Variants in MAMSTR observed in about 807,000 individuals in gnomAD.
The protein encoded by MAMSTR is MEF2-activating motif and SAP domain-containing transcriptional regulator.
A neutral mutation model predicts 42.7 loss-of-function variants in MAMSTR; 41 were observed. The ratio of observed to expected loss-of-function variants is 0.96; its 90% confidence interval spans 0.75 to 1.25. MAMSTR has a LOEUF of 1.25. Among genes scored for constraint, MAMSTR ranks in the 50% most tolerant of loss-of-function variants. MAMSTR has a pLI of 0.00. For synonymous variants in MAMSTR, 265 were observed against 244.1 expected (o/e 1.09, Z -0.80); for missense variants, 567 against 557.6 (o/e 1.02, Z -0.17).
At chr19:48,708,110 T>C (rs1375933544), downstream of MAMSTR, among the ~76,000 whole-genome samples, 1 of 151,720 alleles carries the variant, frequency 6.6e-6, no homozygotes, top group African/African-American at 2.4e-5. Flanking sequence ...GGCGCATGCC[T>C]GTAATCCCAG....
At chr19:48,707,811 AGAAAGAAAGAAAGACAAAGAAAGAAAG>A (rs1442165436), downstream of MAMSTR, among the ~76,000 whole-genome samples, 40 of 85,776 alleles carry the variant, frequency 4.7e-4, no homozygotes, top group African/African-American at 1.7e-3. Context: ...AAGGAAGGAA[AGAAAGAAAGAAAGACAAAGAAAGAAAG>A]GAAAGAAAGA....
chr19:48,714,455 G>A lies in MAMSTR; in HGVS notation c.634C>T (p.Pro212Ser). The change falls in exon 7 of 10, where the codon CCG (proline) becomes TCG (serine). Residue 212 changes from proline (P) to serine (S), a missense_variant. Pro to Ser is a moderately conservative substitution (Grantham distance 74). Transcript: ENST00000318083. Reference protein sequence around the residue: ...MRGGAPPRERPKPRREDSPAG... With the variant: ...MRGGAPPRERSKPRREDSPAG... ...GGACTGTCCTCGCGCCGCGGCTTCG[G>A]CCGCTCGCGGGGCGGCGCGCCGCCG... 3 of 1,358,976 alleles carry A rather than the reference G, an allele frequency of 2.2e-6. No homozygotes were observed. The highest frequency in any genetic ancestry group is 2.8e-6 in the Non-Finnish European group (3 of 1,066,886). The allele number at this position is 1,358,976 out of a possible 1,614,324, so 84.2% of individuals were successfully genotyped here.
chr19:48,710,596 AT>A (rs35728097), downstream of MAMSTR, among the ~76,000 whole-genome samples: 46,956 of 115,110 alleles, frequency 0.41, 8,820 homozygotes, highest in East Asian at 0.79. Context: ...CCTGAAACCT[AT>A]TTTTTTTTTT....
intron 3 of MAMSTR, 79 bp downstream of exon 3, chr19:48,716,626 T>C: frequency 3.9e-6 from 5 of 1,290,106 alleles, no homozygotes; most frequent in Non-Finnish European, 4.0e-6. Context: ...CAATGAGGGG[T>C]ATCTGGCAGC....
At chr19:48,709,065 G>A (rs140554476), downstream of MAMSTR, among the ~76,000 whole-genome samples, 280 of 152,208 alleles carry the variant, frequency 1.8e-3, no homozygotes, top group African/African-American at 6.0e-3. Context: ...TGAGGTGGGA[G>A]GAGCACTTGG....
rs763375368 is a variant in MAMSTR, at chr19:48,714,438, C to T, written c.651G>A (p.Glu217=). The change falls in exon 7 of 10, where the codon GAG becomes GAA. Residue 217 remains glutamate (E), a synonymous_variant. Coordinates refer to ENST00000318083, the MANE Select transcript of MAMSTR (RefSeq NM_001130915.2). Reference sequence around the variant, plus strand: ...GCCAGGGAGCACCCGCGGGACTGTCCTCGCGCCGCGGCTTCGGCCGCTCGC... The same window carrying T: ...GCCAGGGAGCACCCGCGGGACTGTCTTCGCGCCGCGGCTTCGGCCGCTCGC... The part of the protein sequence containing the change: ...PPRERPKPRR[E]DSPAGAPWPR... The T allele has an allele frequency of 7.3e-6, 10 of 1,369,078 alleles. No homozygotes were observed. The highest frequency in any genetic ancestry group is 1.5e-5 in the African/African-American group (1 of 65,588). The allele number at this position is 1,369,078 out of a possible 1,614,324, so 84.8% of individuals were successfully genotyped here.
At position 48,715,197 on chromosome 19, in the gene MAMSTR, T is replaced by C; in HGVS notation, c.425+65A>G. The C allele has an allele frequency of 4.2e-6, 6 of 1,426,004 alleles. 1 individual carries two copies. The South Asian group carries it at 5.0e-5, about 12-fold the overall frequency. 88.3% of individuals were successfully genotyped at this position (1,426,004 alleles called of 1,614,324 possible). A position where few individuals can be genotyped will look rare whatever the true frequency, so the allele number is the denominator to read the frequency against. ...AATCCCCTAATCTTGGACTCGAGGTTTGAGGGAGGAGGATGCTGGGACCTG... is the reference window on the plus strand; with the variant it reads ...AATCCCCTAATCTTGGACTCGAGGTCTGAGGGAGGAGGATGCTGGGACCTG... On this transcript the variant is annotated intron_variant, in intron 5 of 9. Coordinates refer to ENST00000318083, the MANE Select transcript of MAMSTR (RefSeq NM_001130915.2).
At chr19:48,712,616 G>A (rs1171149992), downstream of MAMSTR, 1 of 151,364 alleles carries the variant, frequency 6.6e-6, no homozygotes, top group Non-Finnish European at 1.5e-5. Context: ...GTGTTTGGTA[G>A]AGACAGGGTT....
Position 48,713,957 on chromosome 19 carries a change from G to A in MAMSTR, c.812C>T (p.Ala271Val). 23 of 1,613,490 alleles carry A rather than the reference G, an allele frequency of 1.4e-5. No homozygotes were observed. Among genetic ancestry groups the A allele is most frequent in the Non-Finnish European group, 1.9e-5 (22 of 1,179,758 alleles). ...GTAPAPTPTP[A>V]PAAAPALTPS... The stretch of plus-strand genomic sequence containing the variant: ...GGTCAGGGCTGGAGCTGCAGCAGGA[G>A]CCGGAGTGGGAGTTGGAGCCGGAGC... The change falls in exon 8 of 10, where the codon GCT becomes GTT. Residue 271 changes from alanine to valine, a missense_variant. Ala to Val is a moderately conservative substitution (Grantham distance 64). Coordinates refer to ENST00000318083, the MANE Select transcript of MAMSTR (RefSeq NM_001130915.2).
rs1189146288 is a variant in MAMSTR, at chr19:48,713,615, C to T, written c.965-65G>A. On this transcript the variant is annotated intron_variant, in intron 9 of 9. Coordinates refer to ENST00000318083, the MANE Select transcript of MAMSTR (RefSeq NM_001130915.2). Reference sequence around the variant, plus strand: ...GGGTCCGGGCGCCAGCCCCCCATACCCCATTTCCAGGATCCAGCTCCCCAG... The same window carrying T: ...GGGTCCGGGCGCCAGCCCCCCATACTCCATTTCCAGGATCCAGCTCCCCAG... 3.1e-6 allele frequency: 5 copies of T among 1,601,164 alleles called. No homozygotes were observed. In the African/African-American group the frequency reaches 5.4e-5, roughly 17 times the overall value.
chr19:48,713,487 T>C lies in MAMSTR; in HGVS notation c.1028A>G (p.Asp343Gly). 1 of 1,610,070 alleles carries C rather than the reference T, an allele frequency of 6.2e-7. No homozygotes were observed. Among genetic ancestry groups the C allele is most frequent in the South Asian group, 1.1e-5 (1 of 90,844 alleles). ...GAAAACAGATGAGAGGCCTTCAGAG[T>C]CCGGGGAGGGGGACAGCACGTCGAA... ...GSFDVLSPSP[D>G]SEGLSSVFSS... Residue 343 changes from aspartate to glycine, a missense_variant, in exon 10 of 10, where the codon GAC becomes GGC. Asp to Gly is a moderately conservative substitution (Grantham distance 94, BLOSUM62 -1). Transcript: ENST00000318083.
chr19:48,714,588 G>T, intron 6 of MAMSTR, 28 bp from the exon 7 acceptor site: 1 of 1,461,082 alleles, frequency 6.8e-7, no homozygotes, highest in Non-Finnish European at 9.0e-7. Context: ...GTGGGAAGAG[G>T]CAGTGCTGGG....
chr19:48,711,559 GTTGT>G (rs57913334), downstream of MAMSTR, among the ~76,000 whole-genome samples: 315 of 150,430 alleles, frequency 2.1e-3, 5 homozygotes, highest in Admixed American at 6.2e-3. Flanking sequence ...GTGGGTTTTT[GTTGT>G]TTGTTTGTTT....
chr19:48,707,891 A>AAAG (rs2032675424), downstream of MAMSTR, among the ~76,000 whole-genome samples: 1 of 99,336 alleles, frequency 1.0e-5, no homozygotes, highest in Admixed American at 9.9e-5. Flanking sequence ...AAGAAAGAAA[A>AAAG]GAAAGAAAGA....
chr19:48,708,152 T>G (rs2032680338), downstream of MAMSTR, among the ~76,000 whole-genome samples: 1 of 149,744 alleles, frequency 6.7e-6, no homozygotes, highest in Non-Finnish European at 1.5e-5. Flanking sequence ...GAGAATCGCT[T>G]GAACCCAGGA....
At chr19:48,715,864 G>T (rs2032999556) in intron 3 of MAMSTR, 97 bp from the exon 4 acceptor site, 6 of 1,479,928 alleles carry the variant, frequency 4.1e-6, no homozygotes, top group Non-Finnish European at 5.3e-6. Context: ...GGGTGCCGGA[G>T]GGCAGGCCAG....
rs764073294 is a variant in MAMSTR, at chr19:48,713,556, G to A, written c.965-6C>T. 3.7e-6 allele frequency: 6 copies of A among 1,609,002 alleles called. No individual in the cohort carries two copies. The South Asian group carries it at 5.5e-5, about 15-fold the overall frequency. On this transcript the variant is annotated splice_polypyrimidine_tract_variant and splice_region_variant and intron_variant, in intron 9 of 9. Transcript: ENST00000318083. Reference sequence around the variant, plus strand: ...GGGAATAGGGGGCAGGGGGTCTGCGGGATAAAGAATGGTACATGAGCTTGG... The same window carrying A: ...GGGAATAGGGGGCAGGGGGTCTGCGAGATAAAGAATGGTACATGAGCTTGG...
downstream of MAMSTR, among the ~76,000 whole-genome samples, chr19:48,707,826 C>G (rs1235296825): frequency 2.4e-4 from 9 of 37,160 alleles, no homozygotes; most frequent in South Asian, 3.8e-3. Flanking sequence ...GAAAGAAAGA[C>G]AAAGAAAGAA....
chr19:48,709,464 T>C (rs1296052295), downstream of MAMSTR, among the ~76,000 whole-genome samples: 1 of 152,216 alleles, frequency 6.6e-6, no homozygotes, highest in African/African-American at 2.4e-5. Context: ...ACTGTTCTTT[T>C]CCACCTGCAG....
Sources: allele counts gnomAD v4.1 joint callset (sites outside exome capture counted in the v4.1 genomes callset), GRCh38; gene constraint gnomAD v4.1.1; transcripts MANE v1.5; gene names NCBI Gene and HGNC (gene_info 2026-07-23, HGNC 2026-07-21).